LIN28B: variants seen among roughly 807,000 people sequenced by gnomAD.
LIN28B encodes the protein protein lin-28 homolog B.
A neutral mutation model predicts 21.9 loss-of-function variants in LIN28B; 5 were observed. The observed-to-expected ratio is 0.23, with a 90% CI of 0.12 to 0.48. The LOEUF (loss-of-function observed/expected upper bound fraction) is 0.48, where lower values mean the gene tolerates loss of function less well. Among genes scored for constraint, LIN28B ranks in the 20% least tolerant of loss-of-function variants. The pLI is 0.98. For missense variants in LIN28B, 245 were observed against 310.5 expected, an observed-to-expected ratio of 0.79 and a Z score of 1.58; for synonymous variants, 109 against 111.3, an observed-to-expected ratio of 0.98 and a Z score of 0.13.
chr6:105,040,997 G>A (rs1179924439), intron 3 of LIN28B, among the ~76,000 whole-genome samples: 3 of 151,688 alleles, frequency 2.0e-5, no homozygotes, highest in Non-Finnish European at 2.9e-5. Context: ...CTGCAGCCTC[G>A]ACCTCCTGGG....
intron 3 of LIN28B, among the ~76,000 whole-genome samples, chr6:105,042,339 G>T (rs182219831): frequency 1.3e-5 from 2 of 152,296 alleles, no homozygotes; most frequent in Admixed American, 6.5e-5. Context: ...AATCTAAGTT[G>T]ATATACCACT....
intron 2 of LIN28B, among the ~76,000 whole-genome samples, chr6:104,945,188 T>C (rs1191510338): frequency 6.6e-6 from 1 of 152,130 alleles, no homozygotes; most frequent in Non-Finnish European, 1.5e-5. Context: ...TTATGTGTTA[T>C]CTTTTGTATT....
intron 3 of LIN28B, among the ~76,000 whole-genome samples, chr6:105,076,816 G>A (rs1214421143): frequency 6.6e-6 from 1 of 151,860 alleles, no homozygotes; most frequent in Non-Finnish European, 1.5e-5. Context: ...ATGTTGGCCA[G>A]AATGGTCTGG....
At chr6:105,063,648 G>GTAA (rs1491125302) in intron 3 of LIN28B, among the ~76,000 whole-genome samples, 1 of 133,234 alleles carries the variant, frequency 7.5e-6, no homozygotes, top group African/African-American at 2.8e-5. Flanking sequence ...GGGGGGGGGG[G>GTAA]AAAAAAAGGT....
chr6:105,073,745 C>A (rs1055917687), intron 3 of LIN28B, among the ~76,000 whole-genome samples: 3 of 152,116 alleles, frequency 2.0e-5, no homozygotes, highest in African/African-American at 7.2e-5. Context: ...GCCCCTCTTC[C>A]CAATTTTTTT....
At chr6:105,073,030 G>A (rs1312613846) in intron 3 of LIN28B, among the ~76,000 whole-genome samples, 3 of 152,036 alleles carry the variant, frequency 2.0e-5, no homozygotes. Flanking sequence ...GGTGTACAGG[G>A]TAGGCAGATT....
intron 2 of LIN28B, chr6:104,941,545 G>A (rs1230191223): frequency 6.7e-6 from 1 of 149,182 alleles, no homozygotes; most frequent in African/African-American, 2.4e-5. Flanking sequence ...CTCGCGGCCG[G>A]TGCCGGCTCG....
At chr6:105,034,728 C>A (rs948516897) in intron 3 of LIN28B, among the ~76,000 whole-genome samples, 4 of 151,912 alleles carry the variant, frequency 2.6e-5, no homozygotes, top group Non-Finnish European at 5.9e-5. Flanking sequence ...AATTAACTTG[C>A]CTTTTTAAAA....
intron 3 of LIN28B, among the ~76,000 whole-genome samples, chr6:105,072,082 T>TTG (rs1164793734): frequency 2.0e-5 from 3 of 150,074 alleles, no homozygotes; most frequent in South Asian, 2.1e-4. Context: ...TTCAATTCTT[T>TTG]TGTGTCTGTG....
At chr6:105,052,961 CTT>C (rs1771937712) in intron 3 of LIN28B, among the ~76,000 whole-genome samples, 1 of 151,988 alleles carries the variant, frequency 6.6e-6, no homozygotes, top group Non-Finnish European at 1.5e-5. Flanking sequence ...TAGGTAAAAA[CTT>C]AGACCATTGA....
chr6:104,938,576 C>T (rs1176822044), intron 2 of LIN28B, among the ~76,000 whole-genome samples: 4 of 151,200 alleles, frequency 2.6e-5, no homozygotes, highest in Non-Finnish European at 5.9e-5. Context: ...AAGGTGGAGG[C>T]TGCAGTGAGC....
At chr6:104,944,539 A>G (rs1778134839) in intron 2 of LIN28B, among the ~76,000 whole-genome samples, 1 of 152,268 alleles carries the variant, frequency 6.6e-6, no homozygotes, top group South Asian at 2.1e-4. Flanking sequence ...TTAAAAAATA[A>G]GAATATAAAT....
At chr6:105,004,281 C>T (rs151259053) in intron 2 of LIN28B, among the ~76,000 whole-genome samples, 3,406 of 152,230 alleles carry the variant, frequency 0.022, 151 homozygotes, top group African/African-American at 0.079. Context: ...CACCCAGGAT[C>T]AATACTTTGC....
rs773273243 is a variant in LIN28B at position 104,957,217 on chromosome 6, T to G, written c.-34T>G. ...CCGTTCCAAAGGGAAAGTTTTCATC[T>G]CACGAGTTTGGAGCTGAGGGCCCGT... On this transcript the variant is annotated 5_prime_UTR_variant, in exon 1 of 4. Transcript: ENST00000345080. 1 of 1,613,984 alleles carries G rather than the reference T, an allele frequency of 6.2e-7. No individual in the cohort carries two copies. The highest frequency in any genetic ancestry group is 2.2e-5 in the East Asian group (1 of 44,864).
rs184283635 is a variant in LIN28B at position 105,060,285 on chromosome 6, A to G, written c.384-18129A>G. On this transcript the variant is annotated intron_variant, in intron 3 of 3. Coordinates refer to ENST00000345080, the MANE Select transcript of LIN28B (RefSeq NM_001004317.4). ...TTTGTTTGTTTGTTTCTTTGTTGAG[A>G]TAGGGTCTCGCCTTTTTGCCCAGGC... 4.2e-4 allele frequency among the ~76,000 whole-genome samples: 62 copies of G among 146,166 alleles called. 1 individual carries two copies. The highest frequency in any genetic ancestry group is 8.3e-4 in the Non-Finnish European group (55 of 66,090).
At position 105,079,452 on chromosome 6, in the gene LIN28B, C is replaced by A. The variant is rs1211640768; in HGVS notation, c.*669C>A. 6.6e-6 allele frequency: 1 copy of A among 152,534 alleles called. No individual in the cohort carries two copies. Among genetic ancestry groups the A allele is most frequent in the Non-Finnish European group, 1.5e-5 (1 of 68,036 alleles). The allele number at this position is 152,534 out of a possible 1,614,324, so 9.4% of individuals were successfully genotyped here. ...CTTAACTTCATATGCCTCTGACTGCCATAAGCTTTTTTGATTCTGGGATAA... is the reference window on the plus strand; with the variant it reads ...CTTAACTTCATATGCCTCTGACTGCAATAAGCTTTTTTGATTCTGGGATAA... On this transcript the variant is annotated 3_prime_UTR_variant, in exon 4 of 4. Coordinates refer to ENST00000345080, the MANE Select transcript of LIN28B (RefSeq NM_001004317.4).
intron 2 of LIN28B, among the ~76,000 whole-genome samples, chr6:105,010,663 A>G (rs1770904799): frequency 6.6e-6 from 1 of 152,180 alleles, no homozygotes; most frequent in African/African-American, 2.4e-5. Flanking sequence ...GCAGACATCA[A>G]TATAATCTCT....
rs534668372 is a variant in LIN28B at position 105,049,433 on chromosome 6, A to G, written c.383+22951A>G. Among the ~76,000 whole-genome samples the G allele has an allele frequency of 5.9e-5, 9 of 152,268 alleles. No individual in the cohort carries two copies. The South Asian group carries it at 6.2e-4, about 11-fold the overall frequency. On this transcript the variant is annotated intron_variant, in intron 3 of 3. Coordinates refer to ENST00000345080, the MANE Select transcript of LIN28B (RefSeq NM_001004317.4). ...TGCTTTACTTCCAAGTGTGTGGTCA[A>G]TTTTGGAATAAGTGTGATGTGGTGC...
intron 3 of LIN28B, among the ~76,000 whole-genome samples, chr6:105,076,228 G>GT (rs567132534): frequency 8.5e-4 from 128 of 150,206 alleles, no homozygotes; most frequent in African/African-American, 2.6e-3. Context: ...GTGATTTCTT[G>GT]TTTTTTTTTC....
Sources: allele counts gnomAD v4.1 joint callset (sites outside exome capture counted in the v4.1 genomes callset), GRCh38; gene constraint gnomAD v4.1.1; transcripts MANE v1.5; gene names NCBI Gene and HGNC (gene_info 2026-07-23, HGNC 2026-07-21).